Variants in TOGARAM2 observed in about 807,000 individuals in gnomAD.
TOGARAM2 encodes the protein TOG array regulator of axonemal microtubules protein 2.
Under a neutral mutation model 93.3 loss-of-function variants are expected in TOGARAM2, and 85 were observed. The ratio of observed to expected loss-of-function variants is 0.91; its 90% CI spans 0.76 to 1.09. TOGARAM2 has a LOEUF of 1.09. Ranked by LOEUF, TOGARAM2 falls within the 50% of genes least tolerant of loss-of-function variation. TOGARAM2 has a pLI of 0.00. For missense variants in TOGARAM2, 1,277 were observed against 1,334.5 expected, an observed-to-expected ratio of 0.96 and a Z score of 0.67; for synonymous variants, 593 against 552.8, an observed-to-expected ratio of 1.07 and a Z score of -1.02.
At chr2:29,009,288 G>A (rs1021502797) in intron 6 of TOGARAM2, among the ~76,000 whole-genome samples, 11 of 152,204 alleles carry the variant, frequency 7.2e-5, no homozygotes, top group African/African-American at 1.9e-4. Context: ...CCTGCGGGGT[G>A]GGGGTGAAGG....
chr2:28,966,490 G>T (rs1445087901), intron 1 of TOGARAM2, among the ~76,000 whole-genome samples: 2 of 151,796 alleles, frequency 1.3e-5, no homozygotes, highest in Non-Finnish European at 2.9e-5. Flanking sequence ...TAGAGATGGG[G>T]TTTCACCATG....
intron 10 of TOGARAM2, among the ~76,000 whole-genome samples, chr2:29,020,467 G>A (rs1182249263): frequency 6.6e-6 from 1 of 152,192 alleles, no homozygotes; most frequent in East Asian, 1.9e-4. Context: ...CTTCTGTTGT[G>A]TGTGTGAAAA....
intron 6 of TOGARAM2, among the ~76,000 whole-genome samples, chr2:29,003,905 G>A (rs1023560367): frequency 1.3e-5 from 2 of 152,236 alleles, no homozygotes; most frequent in Admixed American, 1.3e-4. Context: ...TGGGTCAATG[G>A]CATCACGAAC....
chr2:29,045,546 CT>C, intron 19 of TOGARAM2, 136 bp downstream of exon 19: 2 of 760,212 alleles, frequency 2.6e-6, no homozygotes. Context: ...TGAAAATCTG[CT>C]TTTTTTGTGT....
intron 1 of TOGARAM2, among the ~76,000 whole-genome samples, chr2:28,967,505 T>C (rs759676755): frequency 2.6e-5 from 4 of 151,798 alleles, no homozygotes; most frequent in Non-Finnish European, 5.9e-5. Context: ...CAAAACAAAA[T>C]CAAACAGGCC....
chr2:29,004,949 TGTGCATGTGTATGTGTGTGA>T lies in TOGARAM2; in HGVS notation c.830+1278_830+1297del, dbSNP rs1288236604. Among the ~76,000 whole-genome samples, 91 of 136,244 alleles carry T rather than the reference TGTGCATGTGTATGTGTGTGA, an allele frequency of 6.7e-4. 10 individuals carry two copies. The highest frequency in any genetic ancestry group is 4.0e-3 in the Middle Eastern group (1 of 248). The allele number at this position is 136,244 out of a possible 152,430, so 89.4% of individuals were successfully genotyped here. A position where few individuals can be genotyped will look rare whatever the true frequency, so the allele number is the denominator to read the frequency against. On this transcript the variant is annotated intron_variant, in intron 6 of 19. Transcript: ENST00000379558. ...GTGTGAGTGCATGTGTGTGCATGTG[TGTGCATGTGTATGTGTGTGA>T]GTGCATGTGTGTATGTGTGTGAGTG...
In TOGARAM2 at chr2:29,022,150, G is replaced by T; in HGVS notation, c.1361-8G>T. ...GTGAAGCCTGCTGTTTCTTTCTTGT[G>T]AATGCAGCTAACTCATTACCTGCGG... On this transcript the variant is annotated splice_region_variant and splice_polypyrimidine_tract_variant and intron_variant, in intron 10 of 19. Transcript: ENST00000379558. The T allele has an allele frequency of 6.2e-7, 1 of 1,613,974 alleles. No individual in the cohort carries two copies. The highest frequency in any genetic ancestry group is 1.1e-5 in the South Asian group (1 of 91,072).
At chr2:29,017,389 T>C in intron 9 of TOGARAM2, 85 bp downstream of exon 9, 2 of 1,264,066 alleles carry the variant, frequency 1.6e-6, no homozygotes, top group Non-Finnish European at 1.0e-6. Context: ...CCATTTTCTT[T>C]TTTAAAATTT....
intron 6 of TOGARAM2, among the ~76,000 whole-genome samples, chr2:29,005,408 T>C (rs116216979): frequency 4.1e-4 from 19 of 45,836 alleles, no homozygotes; most frequent in African/African-American, 6.0e-4. Context: ...GGAGTGTGTG[T>C]GTGCGTGTGT....
intron 1 of TOGARAM2, among the ~76,000 whole-genome samples, chr2:28,968,981 A>T (rs1671908295): frequency 6.6e-6 from 1 of 152,054 alleles, no homozygotes; most frequent in South Asian, 2.1e-4. Context: ...CTCTGCATCT[A>T]GGATGAATGA....
chr2:29,049,502 C>G (rs957454670), intron 19 of TOGARAM2: 1 of 152,170 alleles, frequency 6.6e-6, no homozygotes, highest in African/African-American at 2.4e-5. Flanking sequence ...TTTGAGTTAT[C>G]GTTATTCAGT....
At chr2:29,009,051 T>G (rs55796916) in intron 6 of TOGARAM2, among the ~76,000 whole-genome samples, 11,476 of 152,290 alleles carry the variant, frequency 0.075, 514 homozygotes, top group African/African-American at 0.12. Context: ...GCCAGGTGCA[T>G]AGGTCACAAT....
chr2:29,006,927 C>T (rs1572690736), intron 6 of TOGARAM2, among the ~76,000 whole-genome samples: 1 of 152,162 alleles, frequency 6.6e-6, no homozygotes, highest in African/African-American at 2.4e-5. Flanking sequence ...CCTCTTATCT[C>T]TTTACTCTTG....
At chr2:29,009,109 G>C (rs1006017086) in intron 6 of TOGARAM2, among the ~76,000 whole-genome samples, 2 of 152,208 alleles carry the variant, frequency 1.3e-5, no homozygotes, top group Non-Finnish European at 2.9e-5. Flanking sequence ...CAGAGAGGTG[G>C]GTGCGTAGGC....
intron 1 of TOGARAM2, 64 bp from the exon 2 acceptor site, chr2:28,994,661 T>C (rs1239756796): frequency 2.4e-5 from 14 of 581,230 alleles, no homozygotes; most frequent in Non-Finnish European, 4.2e-5. Flanking sequence ...AAGGGCTTTT[T>C]GTGAAGTAGT....
At chr2:28,995,587 T>A (rs1672952882) in intron 2 of TOGARAM2, among the ~76,000 whole-genome samples, 1 of 152,240 alleles carries the variant, frequency 6.6e-6, no homozygotes, top group Non-Finnish European at 1.5e-5. Flanking sequence ...CCCACCTGAA[T>A]GTAGATTCCA....
intron 1 of TOGARAM2, among the ~76,000 whole-genome samples, chr2:28,961,706 C>T (rs1301375443): frequency 6.6e-6 from 1 of 152,182 alleles, no homozygotes; most frequent in Non-Finnish European, 1.5e-5. Flanking sequence ...CAACAAATGT[C>T]TACACCTGTA....
intron 9 of TOGARAM2, 36 bp from the exon 10 acceptor site, chr2:29,017,756 A>C (rs1572716090): frequency 1.9e-6 from 3 of 1,544,198 alleles, no homozygotes; most frequent in Non-Finnish European, 1.8e-6. Flanking sequence ...GGGAAAACAG[A>C]CCTGCCTAGT....
intron 1 of TOGARAM2, among the ~76,000 whole-genome samples, chr2:28,990,551 G>T (rs945286780): frequency 6.6e-6 from 1 of 152,122 alleles, no homozygotes; most frequent in African/African-American, 2.4e-5. Context: ...CCGCCTCCTC[G>T]GCCTGGAATG....
Sources: allele counts gnomAD v4.1 joint callset (sites outside exome capture counted in the v4.1 genomes callset), GRCh38; gene constraint gnomAD v4.1.1; transcripts MANE v1.5; gene names NCBI Gene and HGNC (gene_info 2026-07-23, HGNC 2026-07-21).